Variants in CHRM3 observed in about 807,000 individuals in gnomAD.
CHRM3 encodes muscarinic acetylcholine receptor M3.
A neutral mutation model predicts 41.8 loss-of-function variants in CHRM3; 11 were observed. That is an observed-to-expected ratio of 0.26 (90% CI 0.17 to 0.44). CHRM3 has a LOEUF of 0.44. Among genes scored for constraint, CHRM3 ranks in the 20% least tolerant of loss-of-function variants. The pLI, the probability that CHRM3 is intolerant of heterozygous loss-of-function variation, is 1.00. For synonymous variants in CHRM3, 297 were observed against 301.4 expected, an observed-to-expected ratio of 0.99 and a Z score of 0.15; for missense variants, 571 against 745.4, an observed-to-expected ratio of 0.77 and a Z score of 2.72.
chr1:239,436,064 A>G (rs1430393563), intron 1 of CHRM3, among the ~76,000 whole-genome samples: 1 of 152,186 alleles, frequency 6.6e-6, no homozygotes, highest in Non-Finnish European at 1.5e-5. Context: ...ATCGTGTGAG[A>G]CAAGTATCTT....
chr1:239,552,096 A>G (rs1292531191), intron 3 of CHRM3, among the ~76,000 whole-genome samples: 6 of 150,892 alleles, frequency 4.0e-5, no homozygotes, highest in Admixed American at 1.3e-4. Flanking sequence ...AATAATTACT[A>G]TTGAATGAAA....
chr1:239,676,689 T>C (rs767385460), intron 4 of CHRM3, among the ~76,000 whole-genome samples: 9 of 152,176 alleles, frequency 5.9e-5, no homozygotes, highest in Non-Finnish European at 1.2e-4. Context: ...CCCTGTGGTA[T>C]TGGGCAAGCT....
At chr1:239,790,091 C>T (rs1669221796) in intron 5 of CHRM3, among the ~76,000 whole-genome samples, 1 of 152,174 alleles carries the variant, frequency 6.6e-6, no homozygotes, top group African/African-American at 2.4e-5. Context: ...AATGCCCGTA[C>T]CCATTGGATC....
At chr1:239,523,237 C>T (rs1263593278) in intron 2 of CHRM3, among the ~76,000 whole-genome samples, 1 of 152,080 alleles carries the variant, frequency 6.6e-6, no homozygotes, top group Non-Finnish European at 1.5e-5. Flanking sequence ...TGACCACTCA[C>T]AATATACAAG....
chr1:239,500,061 A>G (rs747389643), intron 2 of CHRM3, among the ~76,000 whole-genome samples: 5 of 152,140 alleles, frequency 3.3e-5, no homozygotes, highest in Admixed American at 1.3e-4. Context: ...TGGGTTTGTC[A>G]TAGATAGCTT....
At chr1:239,887,904 T>C (rs1369370290) in intron 6 of CHRM3, among the ~76,000 whole-genome samples, 1 of 152,198 alleles carries the variant, frequency 6.6e-6, no homozygotes, top group Non-Finnish European at 1.5e-5. Context: ...CACAGCAAAA[T>C]GTATAAGCTT....
At chr1:239,751,106 C>T (rs957842113) in intron 5 of CHRM3, among the ~76,000 whole-genome samples, 7 of 151,962 alleles carry the variant, frequency 4.6e-5, no homozygotes, top group East Asian at 1.9e-4. Flanking sequence ...GGTGTGTTGG[C>T]GAGTGCCTGT....
intron 1 of CHRM3, among the ~76,000 whole-genome samples, chr1:239,451,092 C>T (rs1383434433): frequency 2.0e-5 from 3 of 152,008 alleles, no homozygotes; most frequent in Admixed American, 6.6e-5. Context: ...GGTGTGGTGG[C>T]ATGCATCTGT....
At chr1:239,785,333 A>G (rs1367326984) in intron 5 of CHRM3, among the ~76,000 whole-genome samples, 1 of 152,356 alleles carries the variant, frequency 6.6e-6, no homozygotes, top group African/African-American at 2.4e-5. Context: ...GGAAAACATT[A>G]TTAAACCCGG....
At chr1:239,506,843 T>C (rs1668605506) in intron 2 of CHRM3, among the ~76,000 whole-genome samples, 1 of 152,124 alleles carries the variant, frequency 6.6e-6, no homozygotes, top group South Asian at 2.1e-4. Context: ...GGAACCCACC[T>C]CTTGCATCAG....
At chr1:239,740,071 T>C (rs1274377656) in intron 5 of CHRM3, among the ~76,000 whole-genome samples, 3 of 152,156 alleles carry the variant, frequency 2.0e-5, no homozygotes, top group Non-Finnish European at 4.4e-5. Context: ...GAGGGGATAG[T>C]GTAGTAGAGA....
intron 1 of CHRM3, among the ~76,000 whole-genome samples, chr1:239,428,166 A>G (rs151255206): frequency 6.6e-6 from 1 of 152,214 alleles, no homozygotes; most frequent in Non-Finnish European, 1.5e-5. Flanking sequence ...ACTTCAAGCC[A>G]CCATGACATT....
intron 5 of CHRM3, among the ~76,000 whole-genome samples, chr1:239,787,164 G>A (rs1472596093): frequency 2.0e-5 from 3 of 152,148 alleles, no homozygotes; most frequent in Non-Finnish European, 4.4e-5. Context: ...AGGCCAAGTT[G>A]GAAAGGAAAG....
intron 3 of CHRM3, among the ~76,000 whole-genome samples, chr1:239,580,704 T>TATATATATATATATACACACACAC (rs570878631): frequency 7.6e-5 from 10 of 131,066 alleles, no homozygotes; most frequent in African/African-American, 2.9e-4. Context: ...TATATATATA[T>TATATATATATATATACACACACAC]ACACACACAC....
rs1572613722 is a variant in CHRM3, at chr1:239,529,909, T to TTA, written c.-421-15731_-421-15730insAT. Among the ~76,000 whole-genome samples, 8 of 151,296 alleles carry TTA rather than the reference T, an allele frequency of 5.3e-5. No homozygotes were observed. The East Asian group carries it at 9.8e-4, about 19-fold the overall frequency. ...ACAATTTATTATTATTATTATTATT[T>TTA]TTTTTTGAGACAGAGTCTCGCTCTG... is the stretch of plus-strand genomic sequence containing the variant. On this transcript the variant is annotated intron_variant, in intron 2 of 6. Transcript: ENST00000676153.
At chr1:239,644,857 T>C (rs1211492861) in intron 4 of CHRM3, among the ~76,000 whole-genome samples, 1 of 152,196 alleles carries the variant, frequency 6.6e-6, no homozygotes, top group Admixed American at 6.5e-5. Context: ...CAGGGTCCCA[T>C]GGCCTGGGGA....
chr1:239,547,514 A>G (rs1659409995), intron 3 of CHRM3, among the ~76,000 whole-genome samples: 1 of 152,202 alleles, frequency 6.6e-6, no homozygotes, highest in Non-Finnish European at 1.5e-5. Context: ...GTTCAAAGTC[A>G]TTTATTAATT....
intron 5 of CHRM3, among the ~76,000 whole-genome samples, chr1:239,803,413 G>A (rs1244344701): frequency 6.6e-6 from 1 of 152,120 alleles, no homozygotes; most frequent in African/African-American, 2.4e-5. Context: ...AAAATGCAGG[G>A]CAAGTAGCTC....
At chr1:239,529,633 AAAC>A (rs1363415526) in intron 2 of CHRM3, among the ~76,000 whole-genome samples, 101 of 41,578 alleles carry the variant, frequency 2.4e-3, no homozygotes, top group Non-Finnish European at 5.8e-3. Context: ...AAAAAAAAAC[AAAC>A]AAACAACAAC....
Sources: gnomAD v4.1 joint callset for allele counts (sites outside exome capture counted in the v4.1 genomes callset) on GRCh38, gnomAD v4.1.1 for gene constraint, MANE v1.5 for transcripts, NCBI Gene and HGNC (gene_info 2026-07-23, HGNC 2026-07-21) for gene names.